MORC4: variants seen among roughly 807,000 people sequenced by gnomAD.
MORC4 encodes the protein MORC family CW-type zinc finger protein 4.
Under a neutral mutation model 65.5 loss-of-function variants are expected in MORC4, and 22 were observed. The observed-to-expected ratio is 0.34, with a 90% confidence interval of 0.24 to 0.48. MORC4 has a LOEUF of 0.48. MORC4 is among the 20% of genes least tolerant of loss of function. The probability of loss-of-function intolerance (pLI) is 0.99; values close to 1 mark genes in which losing one functional copy is unlikely to be tolerated. For synonymous variants in MORC4, 267 were observed against 255.8 expected (o/e 1.04, Z -0.42); for missense variants, 624 against 703.0 (o/e 0.89, Z 1.27).
chrX:106,966,506 G>A (rs1474908960), intron 9 of MORC4, among the ~76,000 whole-genome samples: 1 of 112,765 alleles, frequency 8.9e-6, no homozygotes, highest in African/African-American at 3.2e-5. Flanking sequence ...AAACGCAAGA[G>A]GTCAGGGGAT....
chrX:106,945,858 T>C (rs1287454619), intron 14 of MORC4, among the ~76,000 whole-genome samples: 2 of 112,056 alleles, frequency 1.8e-5, no homozygotes, highest in Non-Finnish European at 3.8e-5. Context: ...ACATACACCA[T>C]GTTTCTGCTC....
At chrX:106,995,170 T>C (rs1009158098) in intron 2 of MORC4, among the ~76,000 whole-genome samples, 9 of 110,159 alleles carry the variant, frequency 8.2e-5, no homozygotes, top group Non-Finnish European at 1.5e-4. Flanking sequence ...CAGCCTTTAG[T>C]AACTACTATT....
At chrX:106,968,148 T>C (rs1476176504) in intron 9 of MORC4, among the ~76,000 whole-genome samples, 1 of 111,076 alleles carries the variant, frequency 9.0e-6, no homozygotes, top group African/African-American at 3.3e-5. Flanking sequence ...CAGAAGAGAG[T>C]AGGGGCCAAT....
At chrX:106,994,329 G>C (rs1032433718) in intron 2 of MORC4, among the ~76,000 whole-genome samples, 2 of 111,417 alleles carry the variant, frequency 1.8e-5, no homozygotes, top group Admixed American at 1.9e-4. Context: ...TTCCTTAATC[G>C]TTCCTGTCTC....
chrX:106,956,851 C>A lies in MORC4; in HGVS notation c.1454+85G>T, dbSNP rs183783428. ...AAATTATTTAAGAACCAAAAAAATT[C>A]TCTCTTCTCAAAACTCCCGTCCTGT... is the stretch of plus-strand genomic sequence containing the variant. On this transcript the variant is annotated intron_variant, in intron 12 of 16. Transcript: ENST00000355610. 508 of 727,187 alleles carry A rather than the reference C, an allele frequency of 7.0e-4. 4 individuals are homozygous for A. In the African/African-American group the frequency reaches 9.9e-3, roughly 14 times the overall value. 59.9% of individuals were successfully genotyped at this position (727,187 alleles called of 1,213,427 possible).
intron 3 of MORC4, among the ~76,000 whole-genome samples, chrX:106,988,225 T>C (rs945828016): frequency 7.1e-5 from 8 of 111,893 alleles, no homozygotes; most frequent in Non-Finnish European, 1.5e-4. Context: ...GGACTTCAAC[T>C]TTCTCTTATA....
intron 2 of MORC4, among the ~76,000 whole-genome samples, chrX:106,997,009 T>C (rs1935092252): frequency 8.9e-6 from 1 of 111,805 alleles, no homozygotes; most frequent in South Asian, 3.8e-4. Context: ...TCCAGAAGGA[T>C]GGCCTATAGG....
At chrX:106,980,134 C>T in intron 7 of MORC4, among the ~76,000 whole-genome samples, 1 of 110,587 alleles carries the variant, frequency 9.0e-6, no homozygotes, top group Non-Finnish European at 1.9e-5. Context: ...TTTTTCATAA[C>T]CTTGCAAGTT....
intron 3 of MORC4, among the ~76,000 whole-genome samples, chrX:106,988,815 T>C (rs1266198401): frequency 8.9e-6 from 1 of 111,979 alleles, no homozygotes; most frequent in Middle Eastern, 4.2e-3. Flanking sequence ...GCACTTTTAG[T>C]GGAATCCAAA....
Position 106,943,139 on chromosome X carries a change from T to G in MORC4, c.1752A>C (p.Thr584=). 8.3e-7 allele frequency: 1 copy of G among 1,210,607 alleles called. No individual in the cohort carries two copies. Among genetic ancestry groups the G allele is most frequent in the Non-Finnish European group, 1.1e-6 (1 of 894,384 alleles). Residue 584 remains threonine (T), a synonymous_variant, in exon 15 of 17, where the codon ACA becomes ACC. Coordinates refer to ENST00000355610, the MANE Select transcript of MORC4 (RefSeq NM_024657.5). ...EKRRRLQNEM[T]TPSLDYSMPA... is the part of the protein sequence containing the mutation. Reference sequence around the variant, plus strand: ...GCATGGAATAATCTAGAGAAGGTGTTGTCATCTCATTCTGGAGCCTTCTTC... The same window carrying G: ...GCATGGAATAATCTAGAGAAGGTGTGGTCATCTCATTCTGGAGCCTTCTTC...
chrX:106,970,766 G>A (rs1377118270), intron 9 of MORC4, among the ~76,000 whole-genome samples: 1 of 111,873 alleles, frequency 8.9e-6, no homozygotes, highest in African/African-American at 3.3e-5. Flanking sequence ...TACAATGGAT[G>A]TGAAGGACCT....
intron 9 of MORC4, among the ~76,000 whole-genome samples, chrX:106,969,298 C>T (rs750319872): frequency 1.5e-3 from 169 of 111,777 alleles, no homozygotes; most frequent in Middle Eastern, 4.6e-3. Context: ...ACACAACGTA[C>T]CAGAATCTCT....
chrX:107,000,132 C>A lies in MORC4; in HGVS notation c.-163G>T, dbSNP rs1367552128. The A allele has an allele frequency of 1.3e-5, 2 of 154,634 alleles. No homozygotes were observed. Among genetic ancestry groups the A allele is most frequent in the African/African-American group, 6.2e-5 (2 of 32,393 alleles). 12.7% of individuals were successfully genotyped at this position (154,634 alleles called of 1,213,427 possible). The stretch of plus-strand genomic sequence containing the variant: ...GCGGAGGCGGAGCGCGCTCCAGCCA[C>A]CTGTCCCGGGCGGGAGGGGTGAGGC... On this transcript the variant is annotated 5_prime_UTR_variant, in exon 1 of 17. Coordinates refer to ENST00000355610, the MANE Select transcript of MORC4 (RefSeq NM_024657.5).
intron 5 of MORC4, among the ~76,000 whole-genome samples, chrX:106,983,738 G>T (rs1264482405): frequency 2.8e-5 from 3 of 106,442 alleles, no homozygotes; most frequent in African/African-American, 6.9e-5. Flanking sequence ...AAGAGACAGG[G>T]TCTCATTTTG....
chrX:106,984,248 T>G (rs753170070), intron 5 of MORC4, among the ~76,000 whole-genome samples: 1 of 107,441 alleles, frequency 9.3e-6, no homozygotes, highest in Admixed American at 1.0e-4. Context: ...TTTGCACCAC[T>G]GCACTCCAGC....
chrX:106,955,222 T>C (rs1349403757), intron 13 of MORC4, 134 bp from the exon 14 acceptor site: 1 of 474,436 alleles, frequency 2.1e-6, no homozygotes, highest in Non-Finnish European at 3.5e-6. Flanking sequence ...AAACAAACAG[T>C]GTGCAGTAAT....
rs997684975 is a variant in MORC4, at chrX:106,943,090, C to A, written c.1801G>T (p.Ala601Ser). ...SMPAPYRRVE[A>S]PVAYPEGENS... ...TCCCCTTCTGGGTAGGCAACAGGTG[C>A]TTCTACCCTCCTGTAAGGAGCAGGC... Residue 601 changes from alanine to serine, a missense_variant, in exon 15 of 17, where the codon GCA becomes TCA. Transcript: ENST00000355610. 3.1e-5 allele frequency: 38 copies of A among 1,208,140 alleles called. No homozygotes were observed. The highest frequency in any genetic ancestry group is 4.0e-5 in the Non-Finnish European group (36 of 893,472).
intron 9 of MORC4, among the ~76,000 whole-genome samples, chrX:106,966,497 A>G (rs1295180210): frequency 8.9e-6 from 1 of 112,742 alleles, no homozygotes; most frequent in Non-Finnish European, 1.9e-5. Context: ...CTCACGGGGA[A>G]ACGCAAGAGG....
chrX:106,984,094 G>A (rs1037564621), intron 5 of MORC4, among the ~76,000 whole-genome samples: 14 of 110,307 alleles, frequency 1.3e-4, no homozygotes, highest in African/African-American at 4.3e-4. Context: ...AGATCAGCCC[G>A]GCCAACATGG....
Sources: allele counts gnomAD v4.1 joint callset (sites outside exome capture counted in the v4.1 genomes callset), GRCh38; gene constraint gnomAD v4.1.1; transcripts MANE v1.5; gene names NCBI Gene and HGNC (gene_info 2026-07-23, HGNC 2026-07-21).